Variants in WDR11 observed in about 807,000 individuals in gnomAD.
The protein encoded by WDR11 is WD repeat domain 11.
In WDR11, 83 loss-of-function variants were observed where a neutral mutation model predicts 151.2. The observed-to-expected ratio is 0.55, with a 90% confidence interval of 0.46 to 0.66. WDR11 has a LOEUF of 0.66. Ranked by LOEUF, WDR11 falls within the 30% of genes least tolerant of loss-of-function variation. The pLI, the probability that WDR11 is intolerant of heterozygous loss-of-function variation, is 0.00. For missense variants in WDR11, 1,301 were observed against 1,480.9 expected, an observed-to-expected ratio of 0.88 and a Z score of 1.99; for synonymous variants, 484 against 533.1, an observed-to-expected ratio of 0.91 and a Z score of 1.27.
intron 15 of WDR11, 122 bp from the exon 16 acceptor site, chr10:120,886,567 T>G: frequency 7.8e-7 from 1 of 1,280,872 alleles, no homozygotes; most frequent in South Asian, 1.4e-5. Flanking sequence ...AGTTTCAGAC[T>G]TTTAAAAAAA....
chr10:120,863,872 T>C (rs186072306), intron 5 of WDR11, among the ~76,000 whole-genome samples: 79 of 152,306 alleles, frequency 5.2e-4, no homozygotes, highest in African/African-American at 1.8e-3. Flanking sequence ...CTAGTTAATT[T>C]ATCTCTCACC....
rs755653123 is a variant in WDR11, at chr10:120,878,423, G to A, written c.1627G>A (p.Val543Met). Reference protein sequence around the residue: ...ATSTPNNMGLVRNELQLVDLP... With the variant: ...ATSTPNNMGLMRNELQLVDLP... ...CTCAACACCAAACAATATGGGATTA[G>A]TGAGAAATGAACTTCAACTGGTTGA... is the stretch of plus-strand genomic sequence containing the variant. Residue 543 changes from valine (V) to methionine (M), a missense_variant, in exon 12 of 29, where the codon GTG (valine) becomes ATG (methionine). This residue lies in a region of WDR11 where 692 missense variants were observed against 762.5 expected (regional missense o/e 0.91). Coordinates refer to ENST00000263461, the MANE Select transcript of WDR11 (RefSeq NM_018117.12). The A allele has an allele frequency of 6.2e-7, 1 of 1,613,208 alleles. No homozygotes were observed. Among genetic ancestry groups the A allele is most frequent in the Non-Finnish European group, 8.5e-7 (1 of 1,179,522 alleles).
intron 27 of WDR11, 112 bp downstream of exon 27, chr10:120,906,133 T>TA: frequency 6.3e-7 from 1 of 1,588,388 alleles, no homozygotes; most frequent in Non-Finnish European, 8.6e-7. Context: ...AAAGGAGAAG[T>TA]ATACATTTCA....
intron 17 of WDR11, chr10:120,889,495 C>G (rs1847345837): frequency 5.1e-6 from 2 of 393,932 alleles, no homozygotes; most frequent in Non-Finnish European, 9.6e-6. Context: ...CCACCTCGGC[C>G]TCCCAAAGTG....
intron 1 of WDR11, 185 bp from the exon 2 acceptor site, chr10:120,852,339 A>G: frequency 1.7e-6 from 1 of 585,426 alleles, no homozygotes; most frequent in Non-Finnish European, 3.0e-6. Flanking sequence ...GAATTTCAAC[A>G]AGCATTTTAA....
At chr10:120,862,019 C>T (rs1182796751) in intron 4 of WDR11, among the ~76,000 whole-genome samples, 1 of 152,020 alleles carries the variant, frequency 6.6e-6, no homozygotes, top group Non-Finnish European at 1.5e-5. Flanking sequence ...AATTTGGTAT[C>T]ATCAAATAAA....
In WDR11 at chr10:120,858,689, A is replaced by G. The variant is rs1846031403; in HGVS notation, c.245A>G (p.Tyr82Cys). 1.9e-6 allele frequency: 3 copies of G among 1,614,078 alleles called. No individual in the cohort carries two copies. The highest frequency in any genetic ancestry group is 3.3e-5 in the Admixed American group (2 of 60,010). ...ENYHHNIGSP[Y>C]CLRLASADVN... ...TATCACCATAACATTGGCTCACCAT[A>G]TTGCTTACGGTTAGCTTCTGCTGAT... is the stretch of plus-strand genomic sequence containing the variant. The change falls in exon 3 of 29, where the codon TAT becomes TGT. Residue 82 changes from tyrosine to cysteine, a missense_variant. Around this residue, in one of 3 missense-constraint regions of WDR11, gnomAD observed 692 missense variants for 762.5 expected, o/e 0.91. Transcript: ENST00000263461.
intron 8 of WDR11, 41 bp from the exon 9 acceptor site, chr10:120,867,025 T>C: frequency 6.6e-7 from 1 of 1,503,796 alleles, no homozygotes; most frequent in Non-Finnish European, 9.3e-7. Flanking sequence ...GTAATGCAGA[T>C]TTTAAGTATG....
intron 11 of WDR11, among the ~76,000 whole-genome samples, chr10:120,874,223 TTTTG>T (rs1316595043): frequency 3.2e-4 from 27 of 83,838 alleles, no homozygotes; most frequent in Non-Finnish European, 6.1e-4. Flanking sequence ...TTTTGTTTTG[TTTTG>T]TTTTTTTTAA....
chr10:120,862,908 C>T lies in WDR11; in HGVS notation c.700C>T (p.Gln234Ter), dbSNP rs1407851714. The T allele has an allele frequency of 1.2e-6, 2 of 1,608,344 alleles. No homozygotes were observed. The highest frequency in any genetic ancestry group is 1.7e-6 in the Non-Finnish European group (2 of 1,174,950). The change falls in exon 5 of 29, where the codon CAA becomes TAA. Residue 234 changes from glutamine (Q) to a stop codon, truncating the protein, a stop_gained. Transcript: ENST00000263461. LOFTEE classifies it high-confidence loss of function. Reference sequence around the variant, plus strand: ...AAATAAAGTAAAAATTTTAATCACTCAAGAGAAACCTAGGTAAGTTACAAG... The same window carrying T: ...AAATAAAGTAAAAATTTTAATCACTTAAGAGAAACCTAGGTAAGTTACAAG... ...ALNKVKILITQEKPSAEFITL... is the reference protein window; with the variant it reads ...ALNKVKILIT
intron 2 of WDR11, among the ~76,000 whole-genome samples, chr10:120,855,210 A>G (rs570580428): frequency 6.6e-6 from 1 of 152,334 alleles, no homozygotes; most frequent in South Asian, 2.1e-4. Flanking sequence ...TAGCACTGAG[A>G]TATCACAACA....
At chr10:120,853,876 C>T (rs888387991) in intron 2 of WDR11, among the ~76,000 whole-genome samples, 1 of 152,132 alleles carries the variant, frequency 6.6e-6, no homozygotes, top group Non-Finnish European at 1.5e-5. Flanking sequence ...TTCCAGTTAT[C>T]AGAGGTAAGC....
chr10:120,904,413 AC>A lies in WDR11; in HGVS notation c.3028-232del, dbSNP rs35022596. Among the ~76,000 whole-genome samples the A allele has an allele frequency of 0.059, 9,048 of 152,298 alleles. 396 individuals carry two copies. The highest frequency in any genetic ancestry group is 0.13 in the Middle Eastern group (39 of 294). Reference sequence around the variant, plus strand: ...TGTTTTTGTGTCTGAATTGACTGGTACAAAGCTAAAATAGGCAATTACTCGA... The same window carrying A: ...TGTTTTTGTGTCTGAATTGACTGGTAAAAGCTAAAATAGGCAATTACTCGA... On this transcript the variant is annotated intron_variant, in intron 24 of 28. Transcript: ENST00000263461.
At chr10:120,877,272 A>G (rs535853001) in intron 11 of WDR11, among the ~76,000 whole-genome samples, 3 of 152,208 alleles carry the variant, frequency 2.0e-5, no homozygotes, top group Non-Finnish European at 4.4e-5. Flanking sequence ...TACTTATCAG[A>G]TAAATGTGAA....
intron 9 of WDR11, among the ~76,000 whole-genome samples, chr10:120,868,222 G>A (rs1435688973): frequency 2.0e-5 from 3 of 152,138 alleles, no homozygotes; most frequent in African/African-American, 4.8e-5. Context: ...TGGAGGCCGA[G>A]GCGGGAGGAT....
In WDR11 at chr10:120,871,314, A is replaced by G; in HGVS notation, c.1439A>G (p.Asn480Ser). 1.2e-6 allele frequency: 2 copies of G among 1,613,840 alleles called. No individual in the cohort carries two copies. Among genetic ancestry groups the G allele is most frequent in the Non-Finnish European group, 1.7e-6 (2 of 1,179,988 alleles). ...IRMCPPLTTK[N>S]IKMYQPLLAV... ...ATGTGTCCACCGTTGACCACAAAAA[A>G]CATCAAGATGTATCAGCCACTGCTG... Residue 480 changes from asparagine to serine, a missense_variant, in exon 10 of 29, where the codon AAC (asparagine) becomes AGC (serine). Coordinates refer to ENST00000263461, the MANE Select transcript of WDR11 (RefSeq NM_018117.12).
Position 120,905,359 on chromosome 10 carries a change from C to T in WDR11, c.3234C>T (p.Asp1078=), listed in dbSNP as rs376796703. ...TCTGCCTGATAGATAAGGCTGCAGACGCCTGCCGCTACCTGCAGACATACG... is the reference window on the plus strand; with the variant it reads ...TCTGCCTGATAGATAAGGCTGCAGATGCCTGCCGCTACCTGCAGACATACG... ...QLLCLIDKAA[D]ACRYLQTYGE... Residue 1078 remains aspartate (D), a synonymous_variant, in exon 26 of 29, where the codon GAC becomes GAT. Coordinates refer to ENST00000263461, the MANE Select transcript of WDR11 (RefSeq NM_018117.12). 1.4e-5 allele frequency: 23 copies of T among 1,614,016 alleles called. No homozygotes were observed. The highest frequency in any genetic ancestry group is 5.3e-5 in the African/African-American group (4 of 74,904).
chr10:120,892,109 G>A (rs1847447697), intron 19 of WDR11, among the ~76,000 whole-genome samples: 1 of 152,202 alleles, frequency 6.6e-6, no homozygotes, highest in African/African-American at 2.4e-5. Flanking sequence ...CTAAATGTTT[G>A]AAGAGCTTTT....
intron 11 of WDR11, among the ~76,000 whole-genome samples, chr10:120,877,218 T>C (rs4751800): frequency 0.13 from 19,479 of 152,182 alleles, 1,377 homozygotes; most frequent in South Asian, 0.17. Context: ...AACATTGAAA[T>C]TGATTATAAG....
Sources: gnomAD v4.1 joint callset for allele counts (sites outside exome capture counted in the v4.1 genomes callset) on GRCh38, gnomAD v4.1.1 for gene constraint, gnomAD v4.1.1 regional missense constraint, MANE v1.5 for transcripts, NCBI Gene and HGNC (gene_info 2026-07-23, HGNC 2026-07-21) for gene names.